The following EPB41L5 variants were observed in gnomAD, a reference collection of about 807,000 sequenced individuals.
EPB41L5 encodes the protein erythrocyte membrane protein band 4.1 like 5.
A neutral mutation model predicts 106.6 loss-of-function variants in EPB41L5; 55 were observed. The observed-to-expected ratio is 0.52, with a 90% confidence interval of 0.42 to 0.65. The LOEUF is 0.65. Among genes scored for constraint, EPB41L5 ranks in the 30% least tolerant of loss-of-function variants. EPB41L5 has a pLI of 0.00. For missense variants in EPB41L5, 871 were observed against 882.1 expected (o/e 0.99, Z 0.16); for synonymous variants, 297 against 306.7 (o/e 0.97, Z 0.33).
At chr2:120,094,221 A>C (rs1683600974) in intron 14 of EPB41L5, among the ~76,000 whole-genome samples, 1 of 152,104 alleles carries the variant, frequency 6.6e-6, no homozygotes, top group African/African-American at 2.4e-5. Context: ...TCCTGGGCTC[A>C]AGCAATCCTC....
intron 2 of EPB41L5, among the ~76,000 whole-genome samples, chr2:120,033,049 C>A (rs1014632717): frequency 3.3e-5 from 5 of 152,090 alleles, no homozygotes; most frequent in African/African-American, 1.2e-4. Context: ...TAGAATGGGA[C>A]AGAACCAATT....
intron 21 of EPB41L5, among the ~76,000 whole-genome samples, chr2:120,164,409 A>C (rs1009303901): frequency 6.6e-6 from 1 of 151,834 alleles, no homozygotes; most frequent in Non-Finnish European, 1.5e-5. Context: ...ATGAGGTCTC[A>C]CTATATTGCC....
At chr2:120,112,567 G>C (rs895430574) in intron 16 of EPB41L5, among the ~76,000 whole-genome samples, 1 of 152,146 alleles carries the variant, frequency 6.6e-6, no homozygotes, top group Non-Finnish European at 1.5e-5. Context: ...AGTTAAGAAG[G>C]CTTCTTGGCA....
chr2:120,094,744 A>G (rs1366431824), intron 14 of EPB41L5, among the ~76,000 whole-genome samples: 1 of 152,088 alleles, frequency 6.6e-6, no homozygotes, highest in African/African-American at 2.4e-5. Context: ...AAGTTTTGCT[A>G]TGTTGTGTTC....
At chr2:120,124,665 A>G (rs1030965735) in intron 16 of EPB41L5, among the ~76,000 whole-genome samples, 1 of 152,140 alleles carries the variant, frequency 6.6e-6, no homozygotes, top group Non-Finnish European at 1.5e-5. Flanking sequence ...ATTTTCCCAA[A>G]TGTTTCAATA....
At chr2:120,092,710 A>G (rs915612753) in intron 13 of EPB41L5, among the ~76,000 whole-genome samples, 3 of 152,220 alleles carry the variant, frequency 2.0e-5, no homozygotes, top group African/African-American at 7.2e-5. Flanking sequence ...GTGGCTGTAA[A>G]TTAAATATAC....
At chr2:120,076,758 G>C (rs1175963852) in intron 7 of EPB41L5, among the ~76,000 whole-genome samples, 1 of 152,020 alleles carries the variant, frequency 6.6e-6, no homozygotes, top group Non-Finnish European at 1.5e-5. Context: ...TTAAGAGAAA[G>C]ATATGTAATT....
At chr2:120,069,462 C>G (rs916838995) in intron 3 of EPB41L5, among the ~76,000 whole-genome samples, 1 of 152,064 alleles carries the variant, frequency 6.6e-6, no homozygotes, top group Non-Finnish European at 1.5e-5. Flanking sequence ...AGCTCTGGAC[C>G]AAGCAGACCT....
intron 2 of EPB41L5, among the ~76,000 whole-genome samples, chr2:120,032,373 C>T (rs1001504511): frequency 2.0e-5 from 3 of 151,996 alleles, no homozygotes; most frequent in African/African-American, 2.4e-5. Flanking sequence ...AGTGAAACTT[C>T]GTCTCAAAAA....
chr2:120,090,310 T>C (rs374998371), intron 11 of EPB41L5, 37 bp from the exon 12 acceptor site: 4 of 1,522,564 alleles, frequency 2.6e-6, no homozygotes, highest in Non-Finnish European at 3.5e-6. Context: ...CTGTTTGAAT[T>C]AGTAATCATC....
intron 24 of EPB41L5, among the ~76,000 whole-genome samples, chr2:120,171,286 C>G (rs1687661112): frequency 6.6e-6 from 1 of 152,268 alleles, no homozygotes; most frequent in Middle Eastern, 3.4e-3. Flanking sequence ...ACTGCAGAAC[C>G]CTGAAAAGGC....
Position 120,146,262 on chromosome 2 carries a change from C to A in EPB41L5, c.1766C>A (p.Ala589Asp). The change falls in exon 20 of 25, where the codon GCC becomes GAC. Residue 589 changes from alanine (A) to aspartate (D), a missense_variant. Physicochemically the swap from Ala to Asp is moderately radical, Grantham distance 126. Transcript: ENST00000263713. ...KEDSLLSHKN[A>D]NVQDAATNSA... The stretch of plus-strand genomic sequence containing the variant: ...GATAGCTTATTAAGTCATAAAAATG[C>A]CAATGTTCAGGATGCTGCCACAAAC... 6.2e-7 allele frequency: 1 copy of A among 1,609,154 alleles called. No homozygotes were observed. The highest frequency in any genetic ancestry group is 8.5e-7 in the Non-Finnish European group (1 of 1,176,000).
chr2:120,168,056 A>C, intron 24 of EPB41L5, 49 bp downstream of exon 24: 1 of 1,592,924 alleles, frequency 6.3e-7, no homozygotes, highest in African/African-American at 1.3e-5. Flanking sequence ...TGTTAGGAAG[A>C]AAAAAATAAT....
chr2:120,142,113 TAAA>T (rs59204598), intron 18 of EPB41L5, among the ~76,000 whole-genome samples: 83 of 143,200 alleles, frequency 5.8e-4, no homozygotes, highest in South Asian at 2.4e-3. Context: ...CTTTCTTTTT[TAAA>T]AAAAAAAAAA....
chr2:120,121,060 T>A (rs1649101294), intron 16 of EPB41L5, among the ~76,000 whole-genome samples: 1 of 151,608 alleles, frequency 6.6e-6, no homozygotes, highest in Non-Finnish European at 1.5e-5. Flanking sequence ...GAGGCCGCAG[T>A]GAGCCAAGAT....
At chr2:120,051,483 C>T (rs958139617) in intron 3 of EPB41L5, among the ~76,000 whole-genome samples, 3 of 152,158 alleles carry the variant, frequency 2.0e-5, no homozygotes, top group East Asian at 1.9e-4. Context: ...CCTGGTGTGC[C>T]GTTTGCTAAG....
At chr2:120,133,557 T>C (rs1685796430) in intron 18 of EPB41L5, among the ~76,000 whole-genome samples, 1 of 152,184 alleles carries the variant, frequency 6.6e-6, no homozygotes, top group South Asian at 2.1e-4. Flanking sequence ...AGAGGCTGCA[T>C]TTAGAACAGC....
At chr2:120,168,063 T>C in intron 24 of EPB41L5, 56 bp downstream of exon 24, 1 of 1,577,548 alleles carries the variant, frequency 6.3e-7, no homozygotes. Context: ...AAGAAAAAAA[T>C]AATAAAACTT....
At chr2:120,024,020 T>A (rs1678125736) in intron 2 of EPB41L5, among the ~76,000 whole-genome samples, 1 of 152,234 alleles carries the variant, frequency 6.6e-6, no homozygotes, top group Non-Finnish European at 1.5e-5. Flanking sequence ...TTTTTGCACA[T>A]TGATTTTGTA....
Sources: allele counts gnomAD v4.1 joint callset (sites outside exome capture counted in the v4.1 genomes callset), GRCh38; gene constraint gnomAD v4.1.1; transcripts MANE v1.5; gene names NCBI Gene and HGNC (gene_info 2026-07-23, HGNC 2026-07-21).